Variants in AGPS observed in about 807,000 individuals in gnomAD.
AGPS encodes the protein alkylglycerone phosphate synthase, also known as alkyldihydroxyacetonephosphate synthase, peroxisomal.
A neutral mutation model predicts 90.7 loss-of-function variants in AGPS; 26 were observed. The ratio of observed to expected loss-of-function variants is 0.29; its 90% CI spans 0.21 to 0.40. AGPS has a LOEUF of 0.40. Among genes scored for constraint, AGPS ranks in the 10% least tolerant of loss-of-function variants. The pLI, the probability that AGPS is intolerant of heterozygous loss-of-function variation, is 1.00. For missense variants in AGPS, 540 were observed against 816.1 expected (o/e 0.66, Z 4.12); for synonymous variants, 294 against 285.3 (o/e 1.03, Z -0.31).
At chr2:177,481,491 C>A (rs1687942541) in intron 10 of AGPS, among the ~76,000 whole-genome samples, 1 of 151,340 alleles carries the variant, frequency 6.6e-6, no homozygotes, top group South Asian at 2.1e-4. Flanking sequence ...ATAATGACTA[C>A]TTTGTCTCCA....
chr2:177,456,571 G>A (rs567230318), intron 8 of AGPS, among the ~76,000 whole-genome samples: 1 of 152,222 alleles, frequency 6.6e-6, no homozygotes, highest in Non-Finnish European at 1.5e-5. Context: ...AAATTGGTGT[G>A]GTAGAGCTCA....
chr2:177,483,253 T>C (rs2105694782), intron 11 of AGPS, among the ~76,000 whole-genome samples: 1 of 152,306 alleles, frequency 6.6e-6, no homozygotes, highest in Middle Eastern at 3.4e-3. Flanking sequence ...TAAAGAACTT[T>C]AAAATGAGAA....
At chr2:177,476,225 G>A (rs1687777404) in intron 10 of AGPS, among the ~76,000 whole-genome samples, 1 of 151,464 alleles carries the variant, frequency 6.6e-6, no homozygotes. Context: ...TGTATTAGAT[G>A]TAGTTTGCTC....
Position 177,543,476 on chromosome 2 carries a change from A to G in AGPS, c.*5281A>G, listed in dbSNP as rs747635692. ...CCTGAGTCTTCCTCCAAGGCAGTAC[A>G]TATTCCTGCCAGGACTGTAGTAATC... On this transcript the variant is annotated 3_prime_UTR_variant, in exon 20 of 20. Transcript: ENST00000264167. 2.6e-5 allele frequency: 4 copies of G among 152,252 alleles called. No individual in the cohort carries two copies. Among genetic ancestry groups the G allele is most frequent in the Admixed American group, 6.5e-5 (1 of 15,290 alleles). The allele number at this position is 152,252 out of a possible 1,614,324, so 9.4% of individuals were successfully genotyped here. A position where few individuals can be genotyped will look rare whatever the true frequency, so the allele number is the denominator to read the frequency against.
intron 17 of AGPS, among the ~76,000 whole-genome samples, chr2:177,516,827 G>T (rs752723908): frequency 6.6e-6 from 1 of 151,996 alleles, no homozygotes; most frequent in Non-Finnish European, 1.5e-5. Flanking sequence ...TTTGAATTTG[G>T]TTATTCCTAA....
At chr2:177,413,576 TG>T (rs1463748210) in intron 1 of AGPS, among the ~76,000 whole-genome samples, 5 of 152,322 alleles carry the variant, frequency 3.3e-5, no homozygotes, top group Middle Eastern at 3.4e-3. Flanking sequence ...AAGTGGACAA[TG>T]AAGGGAAAAA....
chr2:177,468,383 T>C (rs2105675323), intron 9 of AGPS, 33 bp from the exon 10 acceptor site: 1 of 1,310,612 alleles, frequency 7.6e-7, no homozygotes, highest in Non-Finnish European at 1.1e-6. Flanking sequence ...CTAACAGATG[T>C]CTAGAATTTA....
At chr2:177,431,701 A>G (rs1686249246) in intron 2 of AGPS, among the ~76,000 whole-genome samples, 1 of 152,172 alleles carries the variant, frequency 6.6e-6, no homozygotes, top group Admixed American at 6.5e-5. Flanking sequence ...GCTCTCTGCA[A>G]GAAGAAAAAT....
chr2:177,404,157 A>G (rs985282065), intron 1 of AGPS, among the ~76,000 whole-genome samples: 4 of 152,230 alleles, frequency 2.6e-5, no homozygotes, highest in Non-Finnish European at 4.4e-5. Context: ...TTAGGGAAGC[A>G]GCTTTCCAGA....
chr2:177,428,386 A>G (rs1194139864), intron 2 of AGPS, among the ~76,000 whole-genome samples: 1 of 152,172 alleles, frequency 6.6e-6, no homozygotes, highest in Non-Finnish European at 1.5e-5. Flanking sequence ...GTTATTTTGC[A>G]TACTTGTTTA....
chr2:177,411,921 A>G (rs1336033875), intron 1 of AGPS, among the ~76,000 whole-genome samples: 2 of 152,118 alleles, frequency 1.3e-5, no homozygotes, highest in African/African-American at 4.8e-5. Flanking sequence ...GGAGGAGAGC[A>G]TCTTACACAA....
At chr2:177,411,251 A>G (rs537358889) in intron 1 of AGPS, among the ~76,000 whole-genome samples, 4 of 152,312 alleles carry the variant, frequency 2.6e-5, no homozygotes, top group African/African-American at 9.6e-5. Flanking sequence ...CTTTAAGATT[A>G]GTTGGCCTTC....
At chr2:177,502,211 A>G (rs1688578940) in intron 14 of AGPS, among the ~76,000 whole-genome samples, 1 of 151,330 alleles carries the variant, frequency 6.6e-6, no homozygotes, top group Non-Finnish European at 1.5e-5. Flanking sequence ...AATTTAAAGC[A>G]AGGGTAAAGA....
intron 9 of AGPS, among the ~76,000 whole-genome samples, chr2:177,465,230 G>C (rs1559058309): frequency 6.6e-6 from 1 of 152,160 alleles, no homozygotes. Flanking sequence ...GGAGTTTGAA[G>C]TTACAGTGAG....
intron 19 of AGPS, among the ~76,000 whole-genome samples, chr2:177,535,320 T>C (rs1376503454): frequency 6.6e-6 from 1 of 152,210 alleles, no homozygotes; most frequent in Non-Finnish European, 1.5e-5. Flanking sequence ...GTGTGCTACA[T>C]AAGGGACAGA....
At chr2:177,480,507 T>G (rs541292971) in intron 10 of AGPS, among the ~76,000 whole-genome samples, 47 of 152,042 alleles carry the variant, frequency 3.1e-4, no homozygotes, top group African/African-American at 1.0e-3. Context: ...ATGTTCTCAC[T>G]CATAGGTGGG....
At chr2:177,519,590 T>C (rs181634595) in intron 17 of AGPS, among the ~76,000 whole-genome samples, 1 of 152,366 alleles carries the variant, frequency 6.6e-6, no homozygotes, top group African/African-American at 2.4e-5. Flanking sequence ...TGTCATTTAT[T>C]TTTAAAGTTA....
At chr2:177,403,317 T>C (rs952923789) in intron 1 of AGPS, among the ~76,000 whole-genome samples, 1 of 152,218 alleles carries the variant, frequency 6.6e-6, no homozygotes, top group African/African-American at 2.4e-5. Context: ...AAGAGTATTG[T>C]TCTATGTCAA....
intron 2 of AGPS, among the ~76,000 whole-genome samples, chr2:177,420,641 A>T (rs1346080965): frequency 1.3e-5 from 2 of 151,648 alleles, no homozygotes; most frequent in South Asian, 2.1e-4. Context: ...ATAGCAAAAA[A>T]TTTTTATTTA....
Sources: allele counts gnomAD v4.1 joint callset (sites outside exome capture counted in the v4.1 genomes callset), GRCh38; gene constraint gnomAD v4.1.1; transcripts MANE v1.5; gene names NCBI Gene and HGNC (gene_info 2026-07-23, HGNC 2026-07-21).